Variants in SPRED2 observed in about 807,000 individuals in gnomAD.
SPRED2 encodes the protein sprouty related EVH1 domain containing 2.
A neutral mutation model predicts 43.0 loss-of-function variants in SPRED2; 47 were observed. The observed-to-expected ratio is 1.09, with a 90% CI of 0.87 to 1.40. The LOEUF is 1.40. Among genes scored for constraint, SPRED2 ranks in the 40% most tolerant of loss-of-function variants. The probability of loss-of-function intolerance (pLI) is 0.00; values close to 1 mark genes in which losing one functional copy is unlikely to be tolerated. For missense variants in SPRED2, 561 were observed against 586.4 expected (o/e 0.96, Z 0.45); for synonymous variants, 225 against 225.7 (o/e 1.00, Z 0.03).
At chr2:65,396,670 T>A (rs1050335308) in intron 1 of SPRED2, among the ~76,000 whole-genome samples, 1 of 152,232 alleles carries the variant, frequency 6.6e-6, no homozygotes, top group Non-Finnish European at 1.5e-5. Flanking sequence ...AGAATTTTTT[T>A]ATTCCAAAGG....
chr2:65,386,873 AAAC>A (rs1316597872), intron 1 of SPRED2, among the ~76,000 whole-genome samples: 1 of 152,250 alleles, frequency 6.6e-6, no homozygotes, highest in East Asian at 1.9e-4. Flanking sequence ...TAATTTAAAA[AAAC>A]AACAAAACAA....
chr2:65,402,930 G>C (rs1215907136), intron 1 of SPRED2, among the ~76,000 whole-genome samples: 7 of 152,276 alleles, frequency 4.6e-5, no homozygotes, highest in Non-Finnish European at 1.0e-4. Flanking sequence ...GAGCACATTT[G>C]GTTGAATTGA....
At chr2:65,333,361 G>A (rs1673871886) in intron 3 of SPRED2, among the ~76,000 whole-genome samples, 1 of 151,742 alleles carries the variant, frequency 6.6e-6, no homozygotes, top group Non-Finnish European at 1.5e-5. Context: ...TTTCCAACGA[G>A]AGACTGCAGG....
chr2:65,363,703 G>A (rs900601014), intron 1 of SPRED2, among the ~76,000 whole-genome samples: 1 of 152,152 alleles, frequency 6.6e-6, no homozygotes, highest in African/African-American at 2.4e-5. Context: ...CACACATCCG[G>A]ACAGCAAGGA....
intron 1 of SPRED2, among the ~76,000 whole-genome samples, chr2:65,362,512 C>T (rs1439488014): frequency 1.3e-5 from 2 of 152,022 alleles, no homozygotes; most frequent in Non-Finnish European, 2.9e-5. Flanking sequence ...CCTGGTGATC[C>T]ACCCACCTCA....
At chr2:65,333,851 T>C (rs542891336) in intron 3 of SPRED2, among the ~76,000 whole-genome samples, 2 of 152,392 alleles carry the variant, frequency 1.3e-5, no homozygotes, top group Non-Finnish European at 2.9e-5. Context: ...CTTTTATTTC[T>C]TAAGCAAATG....
chr2:65,394,089 A>C (rs1373321731), intron 1 of SPRED2, among the ~76,000 whole-genome samples: 2 of 152,226 alleles, frequency 1.3e-5, no homozygotes, highest in African/African-American at 4.8e-5. Context: ...GCTACTTGAA[A>C]AAAAAAGCTT....
chr2:65,374,848 G>A (rs1675202072), intron 1 of SPRED2, among the ~76,000 whole-genome samples: 1 of 152,218 alleles, frequency 6.6e-6, no homozygotes, highest in African/African-American at 2.4e-5. Context: ...GCATAGGGGA[G>A]GCATGTGTGG....
intron 1 of SPRED2, among the ~76,000 whole-genome samples, chr2:65,363,005 GTTT>G (rs113081105): frequency 2.5e-5 from 3 of 121,064 alleles, no homozygotes; most frequent in Admixed American, 8.4e-5. Flanking sequence ...ATCATGTTTT[GTTT>G]TTTTTTTTTT....
At chr2:65,348,231 T>C (rs1056372676) in intron 1 of SPRED2, among the ~76,000 whole-genome samples, 2 of 152,206 alleles carry the variant, frequency 1.3e-5, no homozygotes, top group Non-Finnish European at 2.9e-5. Flanking sequence ...CCAAGGTTAT[T>C]TCAGAGAGGA....
chr2:65,366,490 A>G (rs1451689728), intron 1 of SPRED2: 1 of 1,272,444 alleles, frequency 7.9e-7, no homozygotes, highest in Non-Finnish European at 1.1e-6. Context: ...CAACTAGGAT[A>G]AATTTTCTCC....
Position 65,361,703 on chromosome 2 carries a change from A to G in SPRED2, c.27-16807T>C, listed in dbSNP as rs1674819375. On this transcript the variant is annotated intron_variant, in intron 1 of 5. Transcript: ENST00000356388. ...TTTTTTAATATTACTCAAAGCAGGG[A>G]AAAAGGGGCTGTTTTATTTTTCTTT... Among the ~76,000 whole-genome samples, 3 of 152,356 alleles carry G rather than the reference A, an allele frequency of 2.0e-5. No homozygotes were observed. The East Asian group carries it at 5.8e-4, about 29-fold the overall frequency.
chr2:65,347,904 C>T (rs1238873388), intron 1 of SPRED2, among the ~76,000 whole-genome samples: 1 of 152,128 alleles, frequency 6.6e-6, no homozygotes, highest in Non-Finnish European at 1.5e-5. Context: ...ATCCAGCTGC[C>T]ATCACCTTCC....
intron 1 of SPRED2, among the ~76,000 whole-genome samples, chr2:65,354,851 G>A (rs1674603549): frequency 6.6e-6 from 1 of 152,190 alleles, no homozygotes; most frequent in South Asian, 2.1e-4. Context: ...TCAGCACACA[G>A]GCAGCCAATT....
chr2:65,307,575 T>C (rs1672966886), downstream of SPRED2, among the ~76,000 whole-genome samples: 1 of 145,836 alleles, frequency 6.9e-6, no homozygotes, highest in South Asian at 2.1e-4. Context: ...AAAGACATAA[T>C]GAGGGGGAAA....
chr2:65,402,278 CAAAAAAAAAAAAA>C (rs58209803), intron 1 of SPRED2, among the ~76,000 whole-genome samples: 11 of 64,406 alleles, frequency 1.7e-4, no homozygotes, highest in African/African-American at 2.9e-4. Flanking sequence ...GACTCTGTCT[CAAAAAAAAAAAAA>C]AAAAAAAAAA....
At chr2:65,423,054 T>C (rs1572907315) in intron 1 of SPRED2, among the ~76,000 whole-genome samples, 1 of 152,242 alleles carries the variant, frequency 6.6e-6, no homozygotes, top group Non-Finnish European at 1.5e-5. Flanking sequence ...GGGATGTTGA[T>C]AAATTAAACC....
chr2:65,385,724 A>T (rs1310883654), intron 1 of SPRED2, among the ~76,000 whole-genome samples: 1 of 152,164 alleles, frequency 6.6e-6, no homozygotes, highest in Non-Finnish European at 1.5e-5. Context: ...ATGAGCTCTC[A>T]TTTCTTTGGA....
At chr2:65,308,783 T>A (rs1437497197), downstream of SPRED2, among the ~76,000 whole-genome samples, 1 of 152,234 alleles carries the variant, frequency 6.6e-6, no homozygotes, top group Non-Finnish European at 1.5e-5. Context: ...CAGTGACCTT[T>A]ATGGAGTTAG....
Sources: allele counts gnomAD v4.1 joint callset (sites outside exome capture counted in the v4.1 genomes callset), GRCh38; gene constraint gnomAD v4.1.1; transcripts MANE v1.5; gene names NCBI Gene and HGNC (gene_info 2026-07-23, HGNC 2026-07-21).